SLC25A21: variants seen among roughly 807,000 people sequenced by gnomAD.
SLC25A21 encodes solute carrier family 25 member 21, also known as mitochondrial 2-oxodicarboxylate carrier.
In SLC25A21, 47 loss-of-function variants were observed where a neutral mutation model predicts 43.8. The observed-to-expected ratio is 1.07, with a 90% confidence interval of 0.85 to 1.37. The LOEUF (loss-of-function observed/expected upper bound fraction) is 1.37, where lower values mean the gene tolerates loss of function less well. SLC25A21 is among the 40% of genes most tolerant of loss of function. The pLI is 0.00. For synonymous variants in SLC25A21, 131 were observed against 121.3 expected, an observed-to-expected ratio of 1.08 and a Z score of -0.52; for missense variants, 352 against 350.2, an observed-to-expected ratio of 1.00 and a Z score of -0.04.
intron 1 of SLC25A21, among the ~76,000 whole-genome samples, chr14:36,940,959 C>G (rs1209034604): frequency 2.0e-5 from 3 of 152,058 alleles, no homozygotes; most frequent in Non-Finnish European, 4.4e-5. Context: ...TCAGATTAAA[C>G]AGCATTTCAT....
chr14:37,149,043 T>C (rs1007634350), intron 1 of SLC25A21, among the ~76,000 whole-genome samples: 3 of 152,180 alleles, frequency 2.0e-5, no homozygotes, highest in Non-Finnish European at 4.4e-5. Context: ...AATGCTGGAA[T>C]TACAGGCGTG....
At chr14:36,837,600 C>A (rs1201994398) in intron 2 of SLC25A21, among the ~76,000 whole-genome samples, 1 of 152,080 alleles carries the variant, frequency 6.6e-6, no homozygotes, top group Non-Finnish European at 1.5e-5. Flanking sequence ...GGGGCCATGT[C>A]CAGTCAGTGA....
chr14:36,897,055 C>G (rs966699738), intron 1 of SLC25A21, among the ~76,000 whole-genome samples: 1 of 152,066 alleles, frequency 6.6e-6, no homozygotes, highest in Non-Finnish European at 1.5e-5. Context: ...TTGTGTTGTT[C>G]TCTGTATTTC....
chr14:37,032,267 G>C (rs117006013), intron 1 of SLC25A21, among the ~76,000 whole-genome samples: 8,457 of 152,148 alleles, frequency 0.056, 640 homozygotes, highest in East Asian at 0.26. Context: ...TGGGCGCGGT[G>C]GCTCACGCTT....
At chr14:37,061,469 T>C (rs1961946537) in intron 1 of SLC25A21, among the ~76,000 whole-genome samples, 3 of 151,726 alleles carry the variant, frequency 2.0e-5, no homozygotes, top group South Asian at 2.1e-4. Context: ...GCTGATTTAT[T>C]TGTAATTCCC....
intron 1 of SLC25A21, among the ~76,000 whole-genome samples, chr14:36,983,941 G>A (rs1438174191): frequency 2.6e-5 from 4 of 151,898 alleles, no homozygotes; most frequent in African/African-American, 9.7e-5. Context: ...CTAAACAAGG[G>A]GTACACATGC....
chr14:36,871,247 C>A (rs848038), intron 2 of SLC25A21, among the ~76,000 whole-genome samples: 1 of 151,798 alleles, frequency 6.6e-6, no homozygotes, highest in Non-Finnish European at 1.5e-5. Context: ...ATGAGAGACC[C>A]TGGAGTGATG....
At chr14:36,734,420 A>AT in intron 4 of SLC25A21, 87 bp downstream of exon 4, 1 of 900,010 alleles carries the variant, frequency 1.1e-6, no homozygotes, top group Non-Finnish European at 1.6e-6. Flanking sequence ...CTTTATATAT[A>AT]ATTCATTTTA....
In SLC25A21 at chr14:36,907,455, T is replaced by A. The variant is rs183585759; in HGVS notation, c.71-32451A>T. Among the ~76,000 whole-genome samples the A allele has an allele frequency of 9.5e-3, 1,443 of 152,254 alleles. 22 individuals are homozygous for A. Among genetic ancestry groups the A allele is most frequent in the African/African-American group, 0.032 (1,343 of 41,542 alleles). On this transcript the variant is annotated intron_variant, in intron 1 of 9. Transcript: ENST00000331299. ...TATACATTGTGGATGCTTATTTTTT[T>A]AAAAAAACCTATCAGAACTAACCGA...
intron 1 of SLC25A21, among the ~76,000 whole-genome samples, chr14:37,060,742 C>CA (rs1961930937): frequency 6.6e-6 from 1 of 151,936 alleles, no homozygotes; most frequent in Non-Finnish European, 1.5e-5. Context: ...ACTTAGAAAA[C>CA]AAAAACAACT....
At chr14:36,696,139 G>A (rs1054881654) in intron 7 of SLC25A21, among the ~76,000 whole-genome samples, 2 of 152,256 alleles carry the variant, frequency 1.3e-5, no homozygotes, top group Middle Eastern at 3.4e-3. Context: ...TTCTGTCGAA[G>A]GCCTTTTCTG....
chr14:36,829,246 A>T (rs998501512), intron 2 of SLC25A21, among the ~76,000 whole-genome samples: 1 of 152,020 alleles, frequency 6.6e-6, no homozygotes, highest in Non-Finnish European at 1.5e-5. Flanking sequence ...GGTGATTTGA[A>T]TTGATTGCCT....
chr14:37,079,714 T>C (rs1485395710), intron 1 of SLC25A21, among the ~76,000 whole-genome samples: 1 of 152,240 alleles, frequency 6.6e-6, no homozygotes, highest in African/African-American at 2.4e-5. Context: ...CCAGTCACAC[T>C]GAGCATCTTT....
chr14:36,725,635 T>A lies in SLC25A21; in HGVS notation c.373A>T (p.Ile125Phe). The change falls in exon 6 of 10, where the codon ATT becomes TTT. Residue 125 changes from isoleucine (I) to phenylalanine (F), a missense_variant. Physicochemically the swap from Ile to Phe is conservative, Grantham distance 21. Transcript: ENST00000331299. ...AGLGSGLTEA[I>F]VVNPFEVVKV... ...ACTACCTCAAAAGGGTTAACTACAA[T>A]GGCTTCTGTTAGTCCAGATCCCAAT... 6.2e-7 allele frequency: 1 copy of A among 1,602,476 alleles called. No individual in the cohort carries two copies. Among genetic ancestry groups the A allele is most frequent in the Non-Finnish European group, 8.5e-7 (1 of 1,174,622 alleles).
chr14:37,080,743 G>C (rs1421851969), intron 1 of SLC25A21, among the ~76,000 whole-genome samples: 2 of 152,164 alleles, frequency 1.3e-5, no homozygotes, highest in African/African-American at 4.8e-5. Context: ...ATACTTATAA[G>C]TGACTGGCTC....
chr14:37,011,308 C>T (rs1960727230), intron 1 of SLC25A21, among the ~76,000 whole-genome samples: 1 of 152,154 alleles, frequency 6.6e-6, no homozygotes, highest in African/African-American at 2.4e-5. Context: ...CCACACCTGA[C>T]CTAAATTCTA....
intron 2 of SLC25A21, among the ~76,000 whole-genome samples, chr14:36,847,551 A>G (rs1889585472): frequency 6.6e-6 from 1 of 152,194 alleles, no homozygotes; most frequent in African/African-American, 2.4e-5. Context: ...TCTGCCTGGG[A>G]GAGCCAGGCA....
At chr14:36,805,887 T>G (rs1368735561) in intron 3 of SLC25A21, among the ~76,000 whole-genome samples, 1 of 152,008 alleles carries the variant, frequency 6.6e-6, no homozygotes, top group Non-Finnish European at 1.5e-5. Context: ...TACTAGAGGC[T>G]GGGAAATGTA....
chr14:36,728,611 A>C (rs1272170572), intron 5 of SLC25A21, among the ~76,000 whole-genome samples: 1 of 152,226 alleles, frequency 6.6e-6, no homozygotes. Flanking sequence ...TGATGCTATT[A>C]GGTTTCCTAA....
Sources: gnomAD v4.1 joint callset for allele counts (sites outside exome capture counted in the v4.1 genomes callset) on GRCh38, gnomAD v4.1.1 for gene constraint, MANE v1.5 for transcripts, NCBI Gene and HGNC (gene_info 2026-07-23, HGNC 2026-07-21) for gene names.